The following EYS variants were observed in gnomAD, a reference collection of about 807,000 sequenced individuals.
The protein encoded by EYS is EGF-like photoreceptor maintenance factor, also known as protein eyes shut homolog.
EYS carries 250 observed loss-of-function variants against 282.1 expected under a neutral mutation model. That is an observed-to-expected ratio of 0.89 (90% CI 0.80 to 0.98). EYS has a LOEUF of 0.98. EYS is among the 50% of genes least tolerant of loss of function. The pLI is 0.00. For synonymous variants in EYS, 1,355 were observed against 1,282.9 expected (o/e 1.06, Z -1.20); for missense variants, 4,016 against 3,709.0 (o/e 1.08, Z -2.15).
intron 33 of EYS, among the ~76,000 whole-genome samples, chr6:64,010,050 A>T (rs1216261116): frequency 1.6e-5 from 2 of 126,852 alleles, no homozygotes; most frequent in African/African-American, 6.0e-5. Context: ...GTGTGCTCTA[A>T]CTCTGGGGGG....
At chr6:64,451,562 A>G (rs1775345309) in intron 26 of EYS, among the ~76,000 whole-genome samples, 2 of 152,180 alleles carry the variant, frequency 1.3e-5, no homozygotes, top group Non-Finnish European at 2.9e-5. Flanking sequence ...ACAAAAAAAG[A>G]GAATTTTAGA....
At chr6:64,905,836 A>G (rs1209603709) in intron 16 of EYS, among the ~76,000 whole-genome samples, 1 of 152,098 alleles carries the variant, frequency 6.6e-6, no homozygotes, top group Non-Finnish European at 1.5e-5. Flanking sequence ...CATATTTGGT[A>G]TTAGTTGGAA....
intron 30 of EYS, among the ~76,000 whole-genome samples, chr6:64,233,296 T>C (rs2150339155): frequency 6.6e-6 from 1 of 152,212 alleles, no homozygotes; most frequent in East Asian, 1.9e-4. Flanking sequence ...ATTTCATATC[T>C]GATATATGAT....
Position 64,822,628 on chromosome 6 carries a change from CTAA to C in EYS, c.3164+20_3164+22del. 6.7e-7 allele frequency: 1 copy of C among 1,501,658 alleles called. No homozygotes were observed. Among genetic ancestry groups the C allele is most frequent in the South Asian group, 1.3e-5 (1 of 74,278 alleles). 93.0% of individuals were successfully genotyped at this position (1,501,658 alleles called of 1,614,324 possible). The stretch of plus-strand genomic sequence containing the variant: ...GTGAGTTAAATATACTTTCATAAAG[CTAA>C]TAATAAAAAAAATAGCTACCTTCCA... On this transcript the variant is annotated intron_variant, in intron 20 of 42. Transcript: ENST00000503581.
Position 64,207,949 on chromosome 6 carries a change from G to A in EYS, c.6424+22643C>T, listed in dbSNP as rs142240918. 8.5e-5 allele frequency among the ~76,000 whole-genome samples: 13 copies of A among 152,260 alleles called. No homozygotes were observed. The East Asian group carries it at 1.9e-3, about 23-fold the overall frequency. On this transcript the variant is annotated intron_variant, in intron 31 of 42. Transcript: ENST00000503581. ...GCTGGGATCACAGGCTTGAGCCACC[G>A]TGCCCAGTCAGGTTTATGCCAACTT...
At chr6:65,691,255 C>T (rs1769231775) in intron 1 of EYS, among the ~76,000 whole-genome samples, 1 of 150,296 alleles carries the variant, frequency 6.7e-6, no homozygotes, top group Non-Finnish European at 1.5e-5. Flanking sequence ...TGCTTCCTGA[C>T]TTTTTAATGA....
intron 34 of EYS, among the ~76,000 whole-genome samples, chr6:63,994,575 A>G (rs1462430281): frequency 1.3e-5 from 2 of 151,922 alleles, no homozygotes; most frequent in African/African-American, 2.4e-5. Flanking sequence ...GACTATAATA[A>G]CAAAAGAATG....
At chr6:65,656,938 G>A (rs906778122) in intron 1 of EYS, among the ~76,000 whole-genome samples, 1 of 151,826 alleles carries the variant, frequency 6.6e-6, no homozygotes, top group African/African-American at 2.4e-5. Context: ...TAATGTAGCT[G>A]GTGATTTTAA....
chr6:65,160,884 C>T (rs1484626005), intron 12 of EYS, among the ~76,000 whole-genome samples: 1 of 138,580 alleles, frequency 7.2e-6, no homozygotes, highest in African/African-American at 3.0e-5. Flanking sequence ...TCCTGGTTCC[C>T]AATTTACTAT....
chr6:65,324,828 G>A (rs1406524923), intron 11 of EYS, among the ~76,000 whole-genome samples: 1 of 152,188 alleles, frequency 6.6e-6, no homozygotes, highest in African/African-American at 2.4e-5. Flanking sequence ...ATGAGAGTCA[G>A]GTTCTCCAAA....
At chr6:64,010,350 G>A (rs1047191906) in intron 33 of EYS, among the ~76,000 whole-genome samples, 1 of 144,292 alleles carries the variant, frequency 6.9e-6, no homozygotes, top group African/African-American at 2.7e-5. Context: ...CAGCCTCCAT[G>A]TGTGCATTTG....
intron 35 of EYS, among the ~76,000 whole-genome samples, chr6:63,881,602 G>GT (rs1224543172): frequency 2.0e-5 from 3 of 151,946 alleles, no homozygotes; most frequent in East Asian, 1.9e-4. Flanking sequence ...ACTTAAATAC[G>GT]TTTTTTTCCA....
chr6:64,697,297 G>T (rs1158098190), intron 22 of EYS, among the ~76,000 whole-genome samples: 1 of 151,978 alleles, frequency 6.6e-6, no homozygotes, highest in East Asian at 1.9e-4. Context: ...AGTAAAAAAA[G>T]ACAAAAAGGT....
chr6:64,819,374 A>G (rs953736416), intron 21 of EYS, among the ~76,000 whole-genome samples: 3 of 152,164 alleles, frequency 2.0e-5, no homozygotes, highest in African/African-American at 4.8e-5. Context: ...GTATTAAACT[A>G]TAACAATTAT....
intron 31 of EYS, among the ~76,000 whole-genome samples, chr6:64,172,888 T>C (rs1401539004): frequency 2.6e-4 from 39 of 152,174 alleles, no homozygotes. Flanking sequence ...TCTGAGCTTG[T>C]TTCGTCTCGA....
Position 63,864,378 on chromosome 6 carries a change from A to T in EYS, c.7056-20T>A. 6.5e-7 allele frequency: 1 copy of T among 1,542,754 alleles called. No homozygotes were observed. Among genetic ancestry groups the T allele is most frequent in the Non-Finnish European group, 8.8e-7 (1 of 1,139,938 alleles). On this transcript the variant is annotated intron_variant, in intron 35 of 42. Coordinates refer to ENST00000503581, the MANE Select transcript of EYS (RefSeq NM_001142800.2). The stretch of plus-strand genomic sequence containing the variant: ...TTATCACTGAGAAGGGAAAAAATTT[A>T]AAAATTCATTAGGAAACAACTGATA...
At chr6:65,441,679 A>G (rs1010859338) in intron 5 of EYS, among the ~76,000 whole-genome samples, 2 of 152,104 alleles carry the variant, frequency 1.3e-5, no homozygotes, top group Non-Finnish European at 2.9e-5. Context: ...TAAAGTAAGC[A>G]AAGTCAACCT....
At chr6:64,259,483 G>A (rs1464384232) in intron 30 of EYS, among the ~76,000 whole-genome samples, 2 of 151,870 alleles carry the variant, frequency 1.3e-5, no homozygotes, top group Non-Finnish European at 2.9e-5. Context: ...AAGGATTTAA[G>A]AGCCATCCCT....
chr6:65,699,806 T>G (rs572801928), intron 1 of EYS, among the ~76,000 whole-genome samples: 23 of 152,088 alleles, frequency 1.5e-4, no homozygotes, highest in Non-Finnish European at 2.4e-4. Context: ...TGAGTTTGGA[T>G]TATTCCCTTA....
Sources: allele counts gnomAD v4.1 joint callset (sites outside exome capture counted in the v4.1 genomes callset), GRCh38; gene constraint gnomAD v4.1.1; transcripts MANE v1.5; gene names NCBI Gene and HGNC (gene_info 2026-07-23, HGNC 2026-07-21).